Variants in RNF150 observed in about 807,000 individuals in gnomAD.
The protein encoded by RNF150 is ring finger protein 150.
RNF150 carries 24 observed loss-of-function variants against 39.3 expected under a neutral mutation model. The observed-to-expected ratio is 0.61, with a 90% CI of 0.44 to 0.86. The LOEUF (loss-of-function observed/expected upper bound fraction) is 0.86, where lower values mean the gene tolerates loss of function less well. Ranked by LOEUF, RNF150 falls within the 40% of genes least tolerant of loss-of-function variation. RNF150 has a pLI of 0.00. For synonymous variants in RNF150, 255 were observed against 227.3 expected (o/e 1.12, Z -1.10); for missense variants, 502 against 587.8 (o/e 0.85, Z 1.51).
chr4:140,954,827 T>C lies in RNF150; in HGVS notation c.736-5455A>G, dbSNP rs115930607. Among the ~76,000 whole-genome samples the C allele has an allele frequency of 2.0e-3, 310 of 152,266 alleles. 2 individuals carry two copies. The highest frequency in any genetic ancestry group is 7.2e-3 in the African/African-American group (301 of 41,562). ...CTCTGTTCTGTGTTATAAATAGAAATGCAGTGAAAGTGATAAAAAAAATTT... is the reference window on the plus strand; with the variant it reads ...CTCTGTTCTGTGTTATAAATAGAAACGCAGTGAAAGTGATAAAAAAAATTT... On this transcript the variant is annotated intron_variant, in intron 2 of 6. Transcript: ENST00000515673.
At chr4:140,886,884 T>C (rs1329822392) in intron 6 of RNF150, among the ~76,000 whole-genome samples, 1 of 152,238 alleles carries the variant, frequency 6.6e-6, no homozygotes, top group Admixed American at 6.5e-5. Flanking sequence ...TATCCTAAAG[T>C]TGCTAGCATT....
At chr4:141,052,520 C>T (rs1292926870) in intron 1 of RNF150, among the ~76,000 whole-genome samples, 1 of 152,092 alleles carries the variant, frequency 6.6e-6, no homozygotes, top group African/African-American at 2.4e-5. Flanking sequence ...GGACTATAGG[C>T]ATGCGCCACC....
At chr4:140,872,029 T>G (rs1314097205) in intron 6 of RNF150, among the ~76,000 whole-genome samples, 1 of 152,252 alleles carries the variant, frequency 6.6e-6, no homozygotes, top group Non-Finnish European at 1.5e-5. Context: ...GTTTTTAAAA[T>G]AATCTGAGGA....
intron 6 of RNF150, among the ~76,000 whole-genome samples, chr4:140,901,725 G>C: frequency 6.6e-6 from 1 of 152,292 alleles, no homozygotes; most frequent in African/African-American, 2.4e-5. Flanking sequence ...GGTAACTGGC[G>C]ATTTCTCAAG....
At chr4:140,963,465 A>C (rs1733117632) in intron 2 of RNF150, among the ~76,000 whole-genome samples, 1 of 152,088 alleles carries the variant, frequency 6.6e-6, no homozygotes, top group African/African-American at 2.4e-5. Flanking sequence ...CAGAATTTTG[A>C]AGTTTATTTT....
At chr4:140,942,308 TG>T (rs1732119200) in intron 4 of RNF150, among the ~76,000 whole-genome samples, 1 of 152,188 alleles carries the variant, frequency 6.6e-6, no homozygotes, top group Non-Finnish European at 1.5e-5. Flanking sequence ...AACCTGGGCC[TG>T]CAGAGCCAGT....
At chr4:140,999,214 G>A (rs1734488048) in intron 1 of RNF150, among the ~76,000 whole-genome samples, 1 of 152,186 alleles carries the variant, frequency 6.6e-6, no homozygotes, top group African/African-American at 2.4e-5. Context: ...TGTTATTAAA[G>A]GGAGAGAGGT....
At chr4:140,972,680 A>T (rs1014604155) in intron 1 of RNF150, among the ~76,000 whole-genome samples, 1 of 152,114 alleles carries the variant, frequency 6.6e-6, no homozygotes, top group Non-Finnish European at 1.5e-5. Context: ...TCTACAAAAG[A>T]ACTGAGTGTG....
At chr4:140,929,430 G>A (rs931546683) in intron 4 of RNF150, among the ~76,000 whole-genome samples, 22 of 133,142 alleles carry the variant, frequency 1.7e-4, no homozygotes, top group African/African-American at 6.0e-4. Context: ...GCAGTGGCGC[G>A]ATCTCGGCTC....
At chr4:140,969,756 CT>C (rs70946718) in intron 1 of RNF150, among the ~76,000 whole-genome samples, 24,138 of 74,298 alleles carry the variant, frequency 0.32, 1,644 homozygotes, top group Middle Eastern at 0.53. Flanking sequence ...ACAAGTTTTA[CT>C]TTTTTTTTTT....
At chr4:141,003,286 A>T (rs1202443812) in intron 1 of RNF150, among the ~76,000 whole-genome samples, 1 of 152,164 alleles carries the variant, frequency 6.6e-6, no homozygotes, top group Non-Finnish European at 1.5e-5. Context: ...TACATTGTGG[A>T]AAAGTACATG....
intron 1 of RNF150, among the ~76,000 whole-genome samples, chr4:141,177,681 G>T (rs1434281725): frequency 6.6e-6 from 1 of 152,050 alleles, no homozygotes; most frequent in African/African-American, 2.4e-5. Flanking sequence ...CTCAGTTCTT[G>T]TTCTCTTTTC....
chr4:140,954,986 A>T (rs750103132), intron 2 of RNF150, among the ~76,000 whole-genome samples: 3 of 152,134 alleles, frequency 2.0e-5, no homozygotes, highest in Non-Finnish European at 4.4e-5. Flanking sequence ...CATTGTCATC[A>T]TCACCAAATG....
At chr4:141,030,839 T>C (rs948172224) in intron 1 of RNF150, among the ~76,000 whole-genome samples, 1 of 152,088 alleles carries the variant, frequency 6.6e-6, no homozygotes, top group Non-Finnish European at 1.5e-5. Flanking sequence ...TTAACGGATA[T>C]AGAGTTTCTG....
At chr4:141,002,090 T>C (rs2111507050) in intron 1 of RNF150, among the ~76,000 whole-genome samples, 1 of 152,314 alleles carries the variant, frequency 6.6e-6, no homozygotes, top group African/African-American at 2.4e-5. Flanking sequence ...CATTTCATGG[T>C]ATGAGTTCCC....
intron 5 of RNF150, among the ~76,000 whole-genome samples, chr4:140,915,769 C>T (rs1385240046): frequency 3.9e-5 from 6 of 152,184 alleles, no homozygotes; most frequent in South Asian, 2.1e-4. Flanking sequence ...CCCTGACCCC[C>T]GAGTAGCCTA....
At chr4:141,106,136 T>A (rs1475898347) in intron 1 of RNF150, among the ~76,000 whole-genome samples, 2 of 152,320 alleles carry the variant, frequency 1.3e-5, no homozygotes, top group East Asian at 3.9e-4. Flanking sequence ...CATCACCACA[T>A]CTGCAAAGCC....
At position 140,861,341 on chromosome 4, in the gene RNF150, A is replaced by C. The variant is rs1728482940; in HGVS notation, c.*6920T>G. On this transcript the variant is annotated 3_prime_UTR_variant, in exon 7 of 7. Coordinates refer to ENST00000515673, the MANE Select transcript of RNF150 (RefSeq NM_020724.2). ...AACATTATCCTTCAACATTTTGCAGAAGTAAGGGCTGCTGACAGTGAGAAG... is the reference window on the plus strand; with the variant it reads ...AACATTATCCTTCAACATTTTGCAGCAGTAAGGGCTGCTGACAGTGAGAAG... 6.6e-6 allele frequency: 1 copy of C among 152,180 alleles called. No homozygotes were observed. Among genetic ancestry groups the C allele is most frequent in the African/African-American group, 2.4e-5 (1 of 41,456 alleles). 9.4% of individuals were successfully genotyped at this position (152,180 alleles called of 1,614,324 possible). A position where few individuals can be genotyped will look rare whatever the true frequency, so the allele number is the denominator to read the frequency against.
intron 1 of RNF150, among the ~76,000 whole-genome samples, chr4:141,123,355 G>A (rs1457739200): frequency 6.6e-6 from 1 of 152,108 alleles, no homozygotes; most frequent in African/African-American, 2.4e-5. Flanking sequence ...TCCATCCAGA[G>A]ACAAAACTCC....
Sources: gnomAD v4.1 joint callset for allele counts (sites outside exome capture counted in the v4.1 genomes callset) on GRCh38, gnomAD v4.1.1 for gene constraint, MANE v1.5 for transcripts, NCBI Gene and HGNC (gene_info 2026-07-23, HGNC 2026-07-21) for gene names.